Variants in UBE2K observed in about 807,000 individuals in gnomAD.
UBE2K encodes ubiquitin conjugating enzyme E2 K.
UBE2K carries 6 observed loss-of-function variants against 30.0 expected under a neutral mutation model. The ratio of observed to expected loss-of-function variants is 0.20; its 90% confidence interval spans 0.11 to 0.39. The LOEUF (loss-of-function observed/expected upper bound fraction) is 0.39. Ranked by LOEUF, UBE2K falls within the 10% of genes least tolerant of loss-of-function variation. UBE2K has a pLI of 1.00. For missense variants in UBE2K, 61 were observed against 241.6 expected (o/e 0.25, Z 4.96); for synonymous variants, 86 against 83.7 (o/e 1.03, Z -0.15).
At chr4:39,739,649 A>G (rs1006033523) in intron 2 of UBE2K, among the ~76,000 whole-genome samples, 1 of 151,272 alleles carries the variant, frequency 6.6e-6, no homozygotes, top group Non-Finnish European at 1.5e-5. Flanking sequence ...GTTTCACCAT[A>G]TTGGCCAGGC....
At chr4:39,722,197 A>G (rs909666740) in intron 1 of UBE2K, among the ~76,000 whole-genome samples, 1 of 152,208 alleles carries the variant, frequency 6.6e-6, no homozygotes, top group Non-Finnish European at 1.5e-5. Flanking sequence ...TTTACAATTT[A>G]TGATTGTTAA....
At chr4:39,766,155 TTG>T (rs1712321470) in intron 4 of UBE2K, among the ~76,000 whole-genome samples, 1 of 152,074 alleles carries the variant, frequency 6.6e-6, no homozygotes, top group Admixed American at 6.5e-5. Context: ...TCTGTGTTTT[TTG>T]TGTGTGTTTT....
chr4:39,771,023 G>C, intron 4 of UBE2K: 1 of 1,611,930 alleles, frequency 6.2e-7, no homozygotes, highest in Non-Finnish European at 8.5e-7. Context: ...CTAGCCTCAC[G>C]GACCCCATCC....
intron 2 of UBE2K, among the ~76,000 whole-genome samples, chr4:39,739,132 A>T (rs1720533715): frequency 1.3e-5 from 2 of 151,140 alleles, no homozygotes; most frequent in Non-Finnish European, 2.9e-5. Flanking sequence ...GATTCACGCC[A>T]TTCTCCTGCC....
intron 1 of UBE2K, among the ~76,000 whole-genome samples, chr4:39,703,152 G>A (rs1218313242): frequency 6.6e-6 from 1 of 151,994 alleles, no homozygotes; most frequent in Non-Finnish European, 1.5e-5. Flanking sequence ...TACCATGCCC[G>A]GTTAATGTTT....
chr4:39,700,205 G>C (rs1457420366), intron 1 of UBE2K, among the ~76,000 whole-genome samples: 1 of 151,994 alleles, frequency 6.6e-6, no homozygotes, highest in Non-Finnish European at 1.5e-5. Context: ...GGTATTCTTA[G>C]TACTAAGTTG....
intron 4 of UBE2K, among the ~76,000 whole-genome samples, chr4:39,757,192 A>G (rs976301405): frequency 2.0e-5 from 3 of 151,672 alleles, no homozygotes; most frequent in Non-Finnish European, 4.4e-5. Flanking sequence ...TGCCCAGCTA[A>G]TTTTTGTATT....
intron 4 of UBE2K, among the ~76,000 whole-genome samples, chr4:39,762,363 A>G (rs529625508): frequency 2.1e-4 from 32 of 152,102 alleles, no homozygotes; most frequent in South Asian, 4.2e-4. Flanking sequence ...CTCCTGGTCT[A>G]TAGTATTTAG....
chr4:39,740,101 G>C (rs1195793497), intron 2 of UBE2K, among the ~76,000 whole-genome samples: 1 of 151,898 alleles, frequency 6.6e-6, no homozygotes, highest in Non-Finnish European at 1.5e-5. Flanking sequence ...TCAGATGCTT[G>C]TCCTAATAGC....
chr4:39,744,931 A>AAAATAAAT (rs1159618497), intron 2 of UBE2K, among the ~76,000 whole-genome samples: 1 of 150,524 alleles, frequency 6.6e-6, no homozygotes, highest in South Asian at 2.1e-4. Context: ...TAAATTAAAT[A>AAAATAAAT]AAATAAATAA....
chr4:39,730,810 C>CTTTTTT (rs569251225), intron 1 of UBE2K, among the ~76,000 whole-genome samples: 1 of 89,650 alleles, frequency 1.1e-5, no homozygotes, highest in African/African-American at 4.1e-5. Flanking sequence ...GCTATAGCTT[C>CTTTTTT]TTTTTTTTTT....
At chr4:39,711,850 C>T (rs1196813953) in intron 1 of UBE2K, among the ~76,000 whole-genome samples, 8 of 151,770 alleles carry the variant, frequency 5.3e-5, no homozygotes, top group Non-Finnish European at 1.0e-4. Flanking sequence ...CCAGCCTGAA[C>T]ACCATGGAGA....
At chr4:39,703,963 ATGTTT>A (rs1184771561) in intron 1 of UBE2K, among the ~76,000 whole-genome samples, 2 of 152,028 alleles carry the variant, frequency 1.3e-5, no homozygotes, top group East Asian at 3.8e-4. Context: ...CTGGCTTTGA[ATGTTT>A]TATTTTTAAA....
At chr4:39,751,239 A>G (rs543302697) in intron 3 of UBE2K, among the ~76,000 whole-genome samples, 10 of 152,188 alleles carry the variant, frequency 6.6e-5, no homozygotes, top group Non-Finnish European at 1.2e-4. Context: ...CACCATTCCC[A>G]GCCCAAATTC....
chr4:39,756,786 C>G (rs1423400526), intron 4 of UBE2K, among the ~76,000 whole-genome samples: 2 of 152,084 alleles, frequency 1.3e-5, no homozygotes, highest in Non-Finnish European at 2.9e-5. Context: ...AACCATAAAA[C>G]TAGAAAAAAT....
intron 1 of UBE2K, among the ~76,000 whole-genome samples, chr4:39,706,670 G>T (rs1010274683): frequency 6.0e-5 from 9 of 149,752 alleles, no homozygotes; most frequent in Non-Finnish European, 1.2e-4. Flanking sequence ...AGGGTTTTAT[G>T]ATGTTGGCCA....
At chr4:39,773,717 C>T (rs928505376) in intron 4 of UBE2K, among the ~76,000 whole-genome samples, 5 of 151,774 alleles carry the variant, frequency 3.3e-5, no homozygotes, top group Non-Finnish European at 5.9e-5. Context: ...GTCAGGAGAT[C>T]GAGACCATCC....
chr4:39,762,203 A>AATG (rs1012170955), intron 4 of UBE2K, among the ~76,000 whole-genome samples: 6 of 149,636 alleles, frequency 4.0e-5, no homozygotes, highest in Admixed American at 1.3e-4. Flanking sequence ...TAATAATAAT[A>AATG]ATAATAAATC....
intron 1 of UBE2K, among the ~76,000 whole-genome samples, chr4:39,730,003 C>G (rs1213735474): frequency 1.3e-5 from 2 of 152,108 alleles, no homozygotes; most frequent in Non-Finnish European, 2.9e-5. Context: ...TTCTTCAGTA[C>G]CTTAGAATGA....
Sources: allele counts gnomAD v4.1 joint callset (sites outside exome capture counted in the v4.1 genomes callset), GRCh38; gene constraint gnomAD v4.1.1; transcripts MANE v1.5; gene names NCBI Gene and HGNC (gene_info 2026-07-23, HGNC 2026-07-21).